The following BMERB1 variants were observed in gnomAD, a reference collection of about 807,000 sequenced individuals.
BMERB1 encodes the protein bMERB domain containing 1.
A neutral mutation model predicts 23.6 loss-of-function variants in BMERB1; 12 were observed. That is an observed-to-expected ratio of 0.51 (90% CI 0.33 to 0.82). The LOEUF is 0.82. Among genes scored for constraint, BMERB1 ranks in the 40% least tolerant of loss-of-function variants. The probability of loss-of-function intolerance (pLI) is 0.03; values close to 1 mark genes in which losing one functional copy is unlikely to be tolerated. For missense variants in BMERB1, 247 were observed against 255.4 expected, an observed-to-expected ratio of 0.97 and a Z score of 0.22; for synonymous variants, 122 against 96.6, an observed-to-expected ratio of 1.26 and a Z score of -1.54.
chr16:15,512,982 G>A (rs903439152), intron 1 of BMERB1, among the ~76,000 whole-genome samples: 1 of 152,008 alleles, frequency 6.6e-6, no homozygotes, highest in Non-Finnish European at 1.5e-5. Flanking sequence ...AAAGACAGAC[G>A]CCCTTGTAGA....
intron 2 of BMERB1, chr16:15,532,984 T>A: frequency 2.2e-6 from 1 of 455,640 alleles, no homozygotes; most frequent in Non-Finnish European, 4.4e-6. Context: ...CTGCCATTTA[T>A]AGGCTGTGCA....
chr16:15,436,645 C>T (rs1226048856), intron 1 of BMERB1, among the ~76,000 whole-genome samples: 2 of 152,048 alleles, frequency 1.3e-5, no homozygotes, highest in Non-Finnish European at 2.9e-5. Flanking sequence ...TTCATTCTAT[C>T]TACCTATATT....
chr16:15,531,627 G>A (rs2051968492), intron 2 of BMERB1, among the ~76,000 whole-genome samples: 1 of 152,148 alleles, frequency 6.6e-6, no homozygotes, highest in African/African-American at 2.4e-5. Flanking sequence ...TTCATCCTGT[G>A]CCGGGTTCTC....
chr16:15,502,352 A>C (rs142309512), intron 1 of BMERB1: 1 of 1,551,068 alleles, frequency 6.4e-7, no homozygotes, highest in African/African-American at 1.4e-5. Context: ...GACGGGATGT[A>C]TGGGACGGCG....
At chr16:15,477,036 G>A (rs2051280587) in intron 1 of BMERB1, among the ~76,000 whole-genome samples, 2 of 152,304 alleles carry the variant, frequency 1.3e-5, no homozygotes, top group Non-Finnish European at 2.9e-5. Flanking sequence ...CAACGTGGGA[G>A]GATTGCTTGA....
chr16:15,477,944 C>T (rs904713423), intron 1 of BMERB1, among the ~76,000 whole-genome samples: 4 of 152,080 alleles, frequency 2.6e-5, no homozygotes, highest in Non-Finnish European at 5.9e-5. Context: ...AGAGAGAGGA[C>T]CTGGGAAGAA....
intron 5 of BMERB1, among the ~76,000 whole-genome samples, chr16:15,584,568 AAAAG>A (rs1555515807): frequency 5.3e-5 from 8 of 151,834 alleles, no homozygotes; most frequent in South Asian, 4.2e-4. Flanking sequence ...AAAAAAAAAA[AAAAG>A]AAAGAAAGAA....
At chr16:15,567,760 C>CACAA (rs569166381) in intron 2 of BMERB1, among the ~76,000 whole-genome samples, 195 of 152,182 alleles carry the variant, frequency 1.3e-3, no homozygotes, top group African/African-American at 4.3e-3. Flanking sequence ...GAGACTCTGT[C>CACAA]ACAAACAAAC....
At chr16:15,512,012 C>CAAAAAAAAAAAAAAA (rs57021793) in intron 1 of BMERB1, among the ~76,000 whole-genome samples, 2 of 61,130 alleles carry the variant, frequency 3.3e-5, no homozygotes, top group African/African-American at 1.2e-4. Context: ...GACTTGCTCT[C>CAAAAAAAAAAAAAAA]AAAAAAAAAA....
intron 1 of BMERB1, among the ~76,000 whole-genome samples, chr16:15,497,559 G>A (rs73505572): frequency 0.028 from 4,282 of 152,218 alleles, 187 homozygotes; most frequent in South Asian, 0.11. Flanking sequence ...TGATTTTCAC[G>A]TCCGTTGGGC....
At chr16:15,525,550 C>G (rs1005014177) in intron 2 of BMERB1, among the ~76,000 whole-genome samples, 3 of 151,802 alleles carry the variant, frequency 2.0e-5, no homozygotes, top group African/African-American at 7.3e-5. Context: ...ACTAAAAATA[C>G]AAAAATTAGC....
At chr16:15,447,172 A>C (rs1294113124) in intron 1 of BMERB1, among the ~76,000 whole-genome samples, 1 of 152,186 alleles carries the variant, frequency 6.6e-6, no homozygotes, top group Non-Finnish European at 1.5e-5. Context: ...TGCTATAAAG[A>C]TACTACCTGA....
chr16:15,451,072 G>T (rs999063628), intron 1 of BMERB1, among the ~76,000 whole-genome samples: 2 of 152,058 alleles, frequency 1.3e-5, no homozygotes, highest in African/African-American at 2.4e-5. Flanking sequence ...TAGTTTAAGG[G>T]GGCGTAACCA....
At chr16:15,477,827 G>A (rs138417559) in intron 1 of BMERB1, among the ~76,000 whole-genome samples, 10 of 151,960 alleles carry the variant, frequency 6.6e-5, no homozygotes, top group African/African-American at 1.9e-4. Flanking sequence ...TCACTGCCAC[G>A]AGTGCCCAAA....
At position 15,515,356 on chromosome 16, in the gene BMERB1, T is replaced by C; in HGVS notation, c.158T>C (p.Ile53Thr). Residue 53 changes from isoleucine (I) to threonine (T), a missense_variant, in exon 2 of 6, where the codon ATT (isoleucine) becomes ACT (threonine). Coordinates refer to ENST00000300006, the MANE Select transcript of BMERB1 (RefSeq NM_033201.3). ...GAGACAACCATGATGCCAGAGGAGA[T>C]TGAGCTGGAGATGGCAAAAATTCAG... is the stretch of plus-strand genomic sequence containing the variant. ...MAETTMMPEE[I>T]ELEMAKIQRL... 6.2e-7 allele frequency: 1 copy of C among 1,613,900 alleles called. No individual in the cohort carries two copies.
At position 15,570,817 on chromosome 16, in the gene BMERB1, C is replaced by T. The variant is rs1487936195; in HGVS notation, c.304+2761C>T. ...GGAAAGGGGTGGGCAATTCCCACAA[C>T]TGAGGGTTCCTCCCCTTTTTAGACC... is the stretch of plus-strand genomic sequence containing the variant. On this transcript the variant is annotated intron_variant, in intron 3 of 5. Coordinates refer to ENST00000300006, the MANE Select transcript of BMERB1 (RefSeq NM_033201.3). 2.0e-5 allele frequency among the ~76,000 whole-genome samples: 3 copies of T among 152,106 alleles called. No individual in the cohort carries two copies. The East Asian group carries it at 5.8e-4, about 29-fold the overall frequency.
chr16:15,442,084 A>G (rs536691644), intron 1 of BMERB1, among the ~76,000 whole-genome samples: 139 of 152,258 alleles, frequency 9.1e-4, no homozygotes, highest in African/African-American at 3.1e-3. Context: ...TAATCCCAGC[A>G]CTTTGGGAGA....
chr16:15,503,197 C>T (rs895020320), intron 1 of BMERB1, among the ~76,000 whole-genome samples: 1 of 152,128 alleles, frequency 6.6e-6, no homozygotes, highest in Non-Finnish European at 1.5e-5. Context: ...TATAAGTAAT[C>T]TAGAGATGAC....
intron 1 of BMERB1, among the ~76,000 whole-genome samples, chr16:15,456,126 CT>C (rs772209581): frequency 2.6e-4 from 40 of 152,238 alleles, no homozygotes; most frequent in Non-Finnish European, 4.7e-4. Flanking sequence ...GTAGAAAGTA[CT>C]TTCTACTTCA....
Sources: gnomAD v4.1 joint callset for allele counts (sites outside exome capture counted in the v4.1 genomes callset) on GRCh38, gnomAD v4.1.1 for gene constraint, MANE v1.5 for transcripts, NCBI Gene and HGNC (gene_info 2026-07-23, HGNC 2026-07-21) for gene names.